Variants in TRPC4 observed in about 807,000 individuals in gnomAD.
TRPC4 encodes short transient receptor potential channel 4.
In TRPC4, 49 loss-of-function variants were observed where a neutral mutation model predicts 99.4. The observed-to-expected ratio is 0.49, with a 90% confidence interval of 0.39 to 0.63. The LOEUF (loss-of-function observed/expected upper bound fraction) is 0.63, where lower values mean the gene tolerates loss of function less well. TRPC4 is among the 20% of genes least tolerant of loss of function. TRPC4 has a pLI of 0.00. For synonymous variants in TRPC4, 454 were observed against 425.9 expected (o/e 1.07, Z -0.81); for missense variants, 898 against 1,152.9 (o/e 0.78, Z 3.20).
At chr13:37,677,832 G>C (rs928253267) in intron 4 of TRPC4, among the ~76,000 whole-genome samples, 1 of 152,096 alleles carries the variant, frequency 6.6e-6, no homozygotes, top group Non-Finnish European at 1.5e-5. Flanking sequence ...CACATTTCTT[G>C]CTCGTGCACA....
intron 2 of TRPC4, among the ~76,000 whole-genome samples, chr13:37,781,230 A>T (rs546544191): frequency 2.0e-5 from 3 of 152,144 alleles, no homozygotes; most frequent in Non-Finnish European, 2.9e-5. Context: ...TTAGTAATAA[A>T]CATCAAAAAC....
At chr13:37,848,684 G>A (rs1958975962) in intron 1 of TRPC4, among the ~76,000 whole-genome samples, 1 of 152,100 alleles carries the variant, frequency 6.6e-6, no homozygotes, top group African/African-American at 2.4e-5. Flanking sequence ...AAAGGTTACT[G>A]AAATTATTAT....
chr13:37,789,788 T>G (rs1168409037), intron 1 of TRPC4, among the ~76,000 whole-genome samples: 1 of 152,110 alleles, frequency 6.6e-6, no homozygotes, highest in Non-Finnish European at 1.5e-5. Flanking sequence ...AACACATGGC[T>G]AGCTCATGGC....
chr13:37,853,914 TATGCTTATAAG>T (rs1453388392), intron 1 of TRPC4, among the ~76,000 whole-genome samples: 2 of 151,932 alleles, frequency 1.3e-5, no homozygotes, highest in Non-Finnish European at 2.9e-5. Flanking sequence ...AAAAATGAAG[TATGCTTATAAG>T]ATGTAAAAAA....
intron 1 of TRPC4, among the ~76,000 whole-genome samples, chr13:37,868,633 T>C (rs1250620202): frequency 1.3e-5 from 1 of 78,098 alleles, no homozygotes; most frequent in Non-Finnish European, 2.7e-5. Context: ...CAAGTCTGTC[T>C]ATTTTTTTTT....
chr13:37,837,065 G>T (rs1212831438), intron 1 of TRPC4, among the ~76,000 whole-genome samples: 2 of 152,162 alleles, frequency 1.3e-5, no homozygotes, highest in East Asian at 1.9e-4. Context: ...GCTCCCACAT[G>T]GTGTTGAGCT....
chr13:37,737,839 T>C (rs1955447168), intron 3 of TRPC4, among the ~76,000 whole-genome samples: 1 of 152,180 alleles, frequency 6.6e-6, no homozygotes, highest in Non-Finnish European at 1.5e-5. Flanking sequence ...TTGATACCAA[T>C]AAAACATTTT....
chr13:37,824,628 T>C (rs1186135483), intron 1 of TRPC4, among the ~76,000 whole-genome samples: 1 of 152,086 alleles, frequency 6.6e-6, no homozygotes, highest in Non-Finnish European at 1.5e-5. Flanking sequence ...GAAGCCCACT[T>C]GACCATGGTG....
rs536515396 is a variant in TRPC4 at position 37,783,267 on chromosome 13, C to T, written c.67G>A (p.Val23Ile). The T allele has an allele frequency of 7.4e-6, 12 of 1,613,548 alleles. No individual in the cohort carries two copies. The South Asian group carries it at 1.3e-4, about 18-fold the overall frequency. The stretch of plus-strand genomic sequence containing the variant: ...GGCGAGAGTTCTGATTCTGCTCTTA[C>T]TATCCTTAGAGGGATGCGGTCTCTA... The part of the protein sequence containing the change: ...PYRDRIPLRI[V>I]RAESELSPSE... The change falls in exon 2 of 11, where the codon GTA (valine) becomes ATA (isoleucine). Residue 23 changes from valine to isoleucine, a missense_variant. By Grantham distance (29) the Val-to-Ile change is conservative. Coordinates refer to ENST00000379705, the MANE Select transcript of TRPC4 (RefSeq NM_016179.4).
chr13:37,694,099 C>T (rs778033189), intron 3 of TRPC4, among the ~76,000 whole-genome samples: 16 of 152,008 alleles, frequency 1.1e-4, no homozygotes, highest in African/African-American at 3.4e-4. Flanking sequence ...ATTTTTTCCC[C>T]GTATAATCCT....
chr13:37,740,158 ATT>A (rs544050948), intron 3 of TRPC4, among the ~76,000 whole-genome samples: 1 of 152,006 alleles, frequency 6.6e-6, no homozygotes, highest in African/African-American at 2.4e-5. Context: ...TACCTGTGTG[ATT>A]TTTTTTAAAG....
At chr13:37,663,316 A>G (rs1593460852) in intron 6 of TRPC4, 100 bp downstream of exon 6, 1 of 1,200,936 alleles carries the variant, frequency 8.3e-7, no homozygotes, top group East Asian at 2.5e-5. Flanking sequence ...TTAGTTCCCC[A>G]TTTTCTTTAC....
At chr13:37,827,647 G>C (rs546982597) in intron 1 of TRPC4, among the ~76,000 whole-genome samples, 1 of 152,150 alleles carries the variant, frequency 6.6e-6, no homozygotes, top group Non-Finnish European at 1.5e-5. Context: ...CTCCAGCTGC[G>C]TACTGGGAGA....
chr13:37,714,979 A>C (rs1378407447), intron 3 of TRPC4, among the ~76,000 whole-genome samples: 1 of 152,202 alleles, frequency 6.6e-6, no homozygotes, highest in Non-Finnish European at 1.5e-5. Flanking sequence ...GTACACAAAC[A>C]ATATTTGTTT....
intron 1 of TRPC4, among the ~76,000 whole-genome samples, chr13:37,838,564 A>G (rs1196393799): frequency 2.0e-5 from 3 of 152,206 alleles, no homozygotes; most frequent in Non-Finnish European, 4.4e-5. Flanking sequence ...TGTCATTTGA[A>G]TGAAATAACT....
intron 8 of TRPC4, among the ~76,000 whole-genome samples, chr13:37,640,353 A>C (rs1951681211): frequency 6.6e-6 from 1 of 152,122 alleles, no homozygotes; most frequent in Admixed American, 6.6e-5. Context: ...GATAATTTAA[A>C]TATTAAACAA....
At chr13:37,666,525 T>G (rs1382043415) in intron 5 of TRPC4, among the ~76,000 whole-genome samples, 2 of 152,230 alleles carry the variant, frequency 1.3e-5, no homozygotes, top group African/African-American at 4.8e-5. Context: ...CATAGATATT[T>G]TCTTAAGTTT....
intron 8 of TRPC4, among the ~76,000 whole-genome samples, chr13:37,642,246 G>A (rs114880137): frequency 0.025 from 3,807 of 152,136 alleles, 153 homozygotes; most frequent in African/African-American, 0.087. Flanking sequence ...TGAACTTTTC[G>A]GCATGACATT....
chr13:37,665,638 T>A (rs981737112), intron 5 of TRPC4, among the ~76,000 whole-genome samples: 3 of 152,042 alleles, frequency 2.0e-5, no homozygotes, highest in Admixed American at 2.0e-4. Flanking sequence ...TGTCTGGGGC[T>A]TCTGAGGCTA....
Sources: gnomAD v4.1 joint callset for allele counts (sites outside exome capture counted in the v4.1 genomes callset) on GRCh38, gnomAD v4.1.1 for gene constraint, MANE v1.5 for transcripts, NCBI Gene and HGNC (gene_info 2026-07-23, HGNC 2026-07-21) for gene names.